NAA80: variants seen among roughly 807,000 people sequenced by gnomAD.
The protein encoded by NAA80 is N-alpha-acetyltransferase 80.
A neutral mutation model predicts 8.7 loss-of-function variants in NAA80; 5 were observed. The ratio of observed to expected loss-of-function variants is 0.58; its 90% CI spans 0.30 to 1.21. The LOEUF (loss-of-function observed/expected upper bound fraction) is 1.21, where lower values mean the gene tolerates loss of function less well. Among genes scored for constraint, NAA80 ranks in the 50% most tolerant of loss-of-function variants. The pLI is 0.07. For missense variants in NAA80, 360 were observed against 368.6 expected (o/e 0.98, Z 0.19); for synonymous variants, 149 against 156.6 (o/e 0.95, Z 0.36).
chr3:50,299,240 C>G lies in NAA80; in HGVS notation c.-237G>C, dbSNP rs782034507. 1.2e-6 allele frequency: 2 copies of G among 1,614,080 alleles called. No homozygotes were observed. Among genetic ancestry groups the G allele is most frequent in the Non-Finnish European group, 8.5e-7 (1 of 1,180,010 alleles). Reference sequence around the variant, plus strand: ...GTTGATGCTGGCCTCTGGGATGTTCCGCGTCCTAGCTCCGCACAGCTGGGT... The same window carrying G: ...GTTGATGCTGGCCTCTGGGATGTTCGGCGTCCTAGCTCCGCACAGCTGGGT... On this transcript the variant is annotated 5_prime_UTR_variant, in exon 1 of 2. Coordinates refer to ENST00000443094, the MANE Select transcript of NAA80 (RefSeq NM_001200016.2).
intron 1 of NAA80, chr3:50,298,081 C>T (rs1033110977): frequency 1.0e-6 from 1 of 985,418 alleles, no homozygotes. Context: ...TCCTAGTCCA[C>T]CACTAGGGCA....
At chr3:50,299,009 C>T in intron 1 of NAA80, 2 of 1,479,802 alleles carry the variant, frequency 1.4e-6, no homozygotes, top group South Asian at 2.7e-5. Flanking sequence ...GCCTCGGTTT[C>T]CCCCTCCCTC....
intron 1 of NAA80, among the ~76,000 whole-genome samples, chr3:50,298,448 A>C (rs1701955607): frequency 6.6e-6 from 1 of 151,818 alleles, no homozygotes; most frequent in African/African-American, 2.4e-5. Flanking sequence ...CCACAGTCAC[A>C]CAGCAGTATT....
At chr3:50,298,874 C>T in intron 1 of NAA80, 3 of 1,303,062 alleles carry the variant, frequency 2.3e-6, no homozygotes, top group Non-Finnish European at 2.9e-6. Context: ...GGGAGGAAGC[C>T]CCAGGATCCG....
Position 50,296,502 on chromosome 3 carries a change from C to A in NAA80, c.*101G>T, listed in dbSNP as rs1176127674. 2.9e-6 allele frequency: 4 copies of A among 1,394,278 alleles called. No individual in the cohort carries two copies. The African/African-American group carries it at 4.3e-5, about 15-fold the overall frequency. 86.4% of individuals were successfully genotyped at this position (1,394,278 alleles called of 1,614,324 possible). On this transcript the variant is annotated 3_prime_UTR_variant, in exon 2 of 2. Transcript: ENST00000443094. ...GAAACATGCCCAGGTTAAAGCTGCC[C>A]CCCAGGGGCTAGGGGCTGAGGTATG... is the stretch of plus-strand genomic sequence containing the variant.
Position 50,296,860 on chromosome 3 carries a change from T to C in NAA80, c.604A>G (p.Arg202Gly), listed in dbSNP as rs1553711273. The C allele has an allele frequency of 6.3e-7, 1 of 1,593,666 alleles. No individual in the cohort carries two copies. Among genetic ancestry groups the C allele is most frequent in the Non-Finnish European group, 8.5e-7 (1 of 1,171,228 alleles). Reference protein sequence around the residue: ...EPVQGLVFTSRRLPATLLNAF... With the variant: ...EPVQGLVFTSGRLPATLLNAF... ...TTAAGCAGGGTGGCAGGCAGCCGTC[T>C]GCTGGTGAAGACCAGGCCCTGCACA... is the stretch of plus-strand genomic sequence containing the variant. The change falls in exon 2 of 2, where the codon AGA (arginine) becomes GGA (glycine). Residue 202 changes from arginine to glycine, a missense_variant. Coordinates refer to ENST00000443094, the MANE Select transcript of NAA80 (RefSeq NM_001200016.2).
chr3:50,297,409 G>A lies in NAA80; in HGVS notation c.55C>T (p.Gln19Ter), dbSNP rs1553711542. ...PAELTLDPACQPKLPLDSTCQ... is the reference protein window; with the variant it reads ...PAELTLDPAC ...GTGGAATCCAGGGGCAGCTTTGGCT[G>A]GCACGCAGGATCCAGAGTCAGCTCA... Residue 19 changes from glutamine (Q) to a stop codon, truncating the protein, a stop_gained, in exon 2 of 2, where the codon CAG (glutamine) becomes TAG (stop). Coordinates refer to ENST00000443094, the MANE Select transcript of NAA80 (RefSeq NM_001200016.2). LOFTEE classifies it high-confidence loss of function. This position sits in a 1 kb window ranked among gnomAD's most constrained non-coding sequence, Gnocchi z 4.3. The A allele has an allele frequency of 1.2e-6, 2 of 1,613,406 alleles. No individual in the cohort carries two copies. The highest frequency in any genetic ancestry group is 3.3e-5 in the Admixed American group (2 of 59,906).
At chr3:50,298,075 A>G in intron 1 of NAA80, 1 of 985,528 alleles carries the variant, frequency 1.0e-6, no homozygotes, top group African/African-American at 1.7e-5. Flanking sequence ...TAGTCCTCCT[A>G]GTCCACCACT....
chr3:50,297,257 G>T lies in NAA80; in HGVS notation c.207C>A (p.Pro69=). ...GGTCAGCACAAGCATCCAGGAGCTCGGGTCGGCGGTGCACAGGCTCCAGGG... is the reference window on the plus strand; with the variant it reads ...GGTCAGCACAAGCATCCAGGAGCTCTGGTCGGCGGTGCACAGGCTCCAGGG... The part of the protein sequence containing the change: ...ELTLEPVHRR[P]ELLDACADLI... The change falls in exon 2 of 2, where the codon CCC becomes CCA. Residue 69 remains proline (P), a synonymous_variant. Transcript: ENST00000443094. The surrounding 1 kb of genome is among the most constrained non-coding windows in gnomAD (Gnocchi z 4.3). 6.2e-7 allele frequency: 1 copy of T among 1,610,384 alleles called. No homozygotes were observed. Among genetic ancestry groups the T allele is most frequent in the Non-Finnish European group, 8.5e-7 (1 of 1,177,598 alleles).
chr3:50,299,124 G>A (rs377215643), intron 1 of NAA80, 89 bp downstream of exon 1: 850 of 1,612,562 alleles, frequency 5.3e-4, no homozygotes, highest in Middle Eastern at 1.2e-3. Context: ...GACTGACGCG[G>A]GGAGGGCGTG....
At chr3:50,298,316 A>T (rs1701949259) in intron 1 of NAA80, among the ~76,000 whole-genome samples, 1 of 151,772 alleles carries the variant, frequency 6.6e-6, no homozygotes, top group African/African-American at 2.4e-5. Context: ...GCCTGTCTTG[A>T]CTGCCTTCCC....
intron 1 of NAA80, 82 bp downstream of exon 1, chr3:50,299,131 C>T: frequency 6.2e-7 from 1 of 1,608,974 alleles, no homozygotes; most frequent in Admixed American, 1.7e-5. Context: ...GCGGGGAGGG[C>T]GTGCAGGGTG....
chr3:50,297,683 C>G lies in NAA80; in HGVS notation c.-209-11G>C, dbSNP rs2109293571. The G allele has an allele frequency of 7.2e-7, 1 of 1,385,590 alleles. No individual in the cohort carries two copies. The highest frequency in any genetic ancestry group is 1.5e-5 in the African/African-American group (1 of 68,118). 85.8% of individuals were successfully genotyped at this position (1,385,590 alleles called of 1,614,324 possible). On this transcript the variant is annotated splice_polypyrimidine_tract_variant and intron_variant, in intron 1 of 1. Transcript: ENST00000443094. This position sits in a 1 kb window ranked among gnomAD's most constrained non-coding sequence, Gnocchi z 4.3. ...ACAGTGGCTCTCCTCCTGTAGATAACAGCCATGCTGGGCTGTGCCAGGAGG... is the reference window on the plus strand; with the variant it reads ...ACAGTGGCTCTCCTCCTGTAGATAAGAGCCATGCTGGGCTGTGCCAGGAGG...
At position 50,296,699 on chromosome 3, in the gene NAA80, G is replaced by C. The variant is rs782650389; in HGVS notation, c.765C>G (p.Pro255=). 4.3e-6 allele frequency: 7 copies of C among 1,613,700 alleles called. No homozygotes were observed. In the Admixed American group the frequency reaches 1.0e-4, roughly 23 times the overall value. The change falls in exon 2 of 2, where the codon CCC becomes CCG. Residue 255 remains proline, a synonymous_variant. Coordinates refer to ENST00000443094, the MANE Select transcript of NAA80 (RefSeq NM_001200016.2). ...TTGAAGGGGGCCCTGATGGAACTGG[G>C]GGTGAGATGGTCAGGCACTCAGGTA... ...PPLPECLTIS[P]PVPSGPPSKS...
rs782407896 is a variant in NAA80 at position 50,297,255 on chromosome 3, T to G, written c.209A>C (p.Glu70Ala). ...GAGGTCAGCACAAGCATCCAGGAGC[T>G]CGGGTCGGCGGTGCACAGGCTCCAG... The part of the protein sequence containing the change: ...LTLEPVHRRP[E>A]LLDACADLIN... Residue 70 changes from glutamate to alanine, a missense_variant, in exon 2 of 2, where the codon GAG becomes GCG. By Grantham distance (107) the Glu-to-Ala change is moderately radical (BLOSUM62 -1). Transcript: ENST00000443094. This position sits in a 1 kb window ranked among gnomAD's most constrained non-coding sequence, Gnocchi z 4.3. 44 of 1,610,634 alleles carry G rather than the reference T, an allele frequency of 2.7e-5. No individual in the cohort carries two copies. Among genetic ancestry groups the G allele is most frequent in the Non-Finnish European group, 3.7e-5 (44 of 1,177,790 alleles).
At position 50,297,999 on chromosome 3, in the gene NAA80, G is replaced by T; in HGVS notation, c.-209-327C>A. On this transcript the variant is annotated intron_variant, in intron 1 of 1. Coordinates refer to ENST00000443094, the MANE Select transcript of NAA80 (RefSeq NM_001200016.2). This position sits in a 1 kb window ranked among gnomAD's most constrained non-coding sequence, Gnocchi z 4.3. Reference sequence around the variant, plus strand: ...CCTCCTCAGGACCTCCCCTCACAGGGGGTCTGTAACCACCAGGTCTATAAA... The same window carrying T: ...CCTCCTCAGGACCTCCCCTCACAGGTGGTCTGTAACCACCAGGTCTATAAA... The T allele has an allele frequency of 1.0e-6, 1 of 986,854 alleles. No homozygotes were observed. The highest frequency in any genetic ancestry group is 4.7e-5 in the South Asian group (1 of 21,330). The allele number at this position is 986,854 out of a possible 1,614,324, so 61.1% of individuals were successfully genotyped here.
chr3:50,298,708 C>T, intron 1 of NAA80: 1 of 976,256 alleles, frequency 1.0e-6, no homozygotes, highest in South Asian at 4.2e-5. Flanking sequence ...CCAGAGGGGG[C>T]CTCCTGGCTC....
rs1019047090 is a variant in NAA80, at chr3:50,298,741, G to A, written c.-210+472C>T. 1.8e-5 allele frequency: 18 copies of A among 1,015,936 alleles called. No individual in the cohort carries two copies. In the South Asian group the frequency reaches 1.8e-4, roughly 10 times the overall value. 62.9% of individuals were successfully genotyped at this position (1,015,936 alleles called of 1,614,324 possible). A position where few individuals can be genotyped will look rare whatever the true frequency, so the allele number is the denominator to read the frequency against. Reference sequence around the variant, plus strand: ...CTCCCCTTACCTCTCCTGAGCTTGAGGCCAATTAAACACTGGTCAGTAACA... The same window carrying A: ...CTCCCCTTACCTCTCCTGAGCTTGAAGCCAATTAAACACTGGTCAGTAACA... On this transcript the variant is annotated intron_variant, in intron 1 of 1. Transcript: ENST00000443094.
At chr3:50,298,766 A>C in intron 1 of NAA80, 1 of 1,056,990 alleles carries the variant, frequency 9.5e-7, no homozygotes, top group Non-Finnish European at 1.1e-6. Flanking sequence ...GGTCAGTAAC[A>C]GGCACCCCCC....
Sources: allele counts gnomAD v4.1 joint callset (sites outside exome capture counted in the v4.1 genomes callset), GRCh38; gene constraint gnomAD v4.1.1; non-coding constraint Gnocchi (gnomAD v3.1); transcripts MANE v1.5; gene names NCBI Gene and HGNC (gene_info 2026-07-23, HGNC 2026-07-21).